FANCG: variants seen among roughly 807,000 people sequenced by gnomAD.
The protein encoded by FANCG is Fanconi anemia group G protein.
A neutral mutation model predicts 73.3 loss-of-function variants in FANCG; 67 were observed. That is an observed-to-expected ratio of 0.91 (90% CI 0.75 to 1.12). The LOEUF (loss-of-function observed/expected upper bound fraction) is 1.12. FANCG is among the 50% of genes most tolerant of loss of function. FANCG has a pLI of 0.00. For synonymous variants in FANCG, 297 were observed against 311.6 expected (o/e 0.95, Z 0.49); for missense variants, 643 against 735.6 (o/e 0.87, Z 1.46).
chr9:35,074,568 C>T, intron 12 of FANCG, 74 bp from the exon 13 acceptor site: 1 of 1,595,604 alleles, frequency 6.3e-7, no homozygotes, highest in Non-Finnish European at 8.6e-7. Flanking sequence ...AAAAGGGAAA[C>T]TGAGGCCTAG....
chr9:35,073,871 G>A lies in FANCG; in HGVS notation c.*237C>T, dbSNP rs1829025007. ...GAAATTTTACTCGACAACAGAAAAG[G>A]AGAAACAGGAAAAAAGGTGCCTCGA... On this transcript the variant is annotated 3_prime_UTR_variant, in exon 14 of 14. Transcript: ENST00000378643. The A allele has an allele frequency of 6.8e-6, 4 of 592,192 alleles. No individual in the cohort carries two copies. The highest frequency in any genetic ancestry group is 5.8e-5 in the Admixed American group (2 of 34,428). 36.7% of individuals were successfully genotyped at this position (592,192 alleles called of 1,614,324 possible).
In FANCG at chr9:35,075,060, C is replaced by G. The variant is rs1228754128; in HGVS notation, c.1503G>C (p.Gln501His). Residue 501 changes from glutamine to histidine, a missense_variant, in exon 12 of 14, where the codon CAG (glutamine) becomes CAC (histidine). Coordinates refer to ENST00000378643, the MANE Select transcript of FANCG (RefSeq NM_004629.2). ...KEQGAAFNCE[Q>H]GCKSDAALQQ... ...GCAGTGCCGCATCTGACTTACATCC[C>G]TGCTCACAGTTGAAAGCTGCCCCTG... The G allele has an allele frequency of 6.2e-7, 1 of 1,614,060 alleles. No homozygotes were observed. Among genetic ancestry groups the G allele is most frequent in the African/African-American group, 1.3e-5 (1 of 74,942 alleles).
At chr9:35,079,399 G>A (rs1012973034) in intron 1 of FANCG, 42 bp downstream of exon 1, 2 of 1,609,256 alleles carry the variant, frequency 1.2e-6, no homozygotes, top group African/African-American at 2.7e-5. Flanking sequence ...CGCTTTCAGG[G>A]ATCTTGAGGC....
chr9:35,079,077 C>T, intron 2 of FANCG, 74 bp downstream of exon 2: 1 of 1,319,534 alleles, frequency 7.6e-7, no homozygotes, highest in Non-Finnish European at 1.1e-6. Flanking sequence ...TATATCGATC[C>T]CAAAAACGCA....
chr9:35,077,138 T>C (rs758802509), intron 5 of FANCG, 37 bp from the exon 6 acceptor site: 58 of 1,613,988 alleles, frequency 3.6e-5, no homozygotes, highest in African/African-American at 1.2e-4. Flanking sequence ...GAGAGGGCTA[T>C]AGAGCAGGGG....
At position 35,079,673 on chromosome 9, in the gene FANCG, C is replaced by G; in HGVS notation, c.-149G>C. ...TTCTCTCGGGGTCCCAATCCACCCG[C>G]CCAGGCTTTCCAGGACAGATGGGAC... On this transcript the variant is annotated 5_prime_UTR_variant, in exon 1 of 14. Transcript: ENST00000378643. 1 of 765,368 alleles carries G rather than the reference C, an allele frequency of 1.3e-6. No homozygotes were observed. Among genetic ancestry groups the G allele is most frequent in the East Asian group, 2.6e-5 (1 of 37,740 alleles). 47.4% of individuals were successfully genotyped at this position (765,368 alleles called of 1,614,324 possible).
intron 8 of FANCG, 192 bp from the exon 9 acceptor site, chr9:35,076,220 G>C (rs1829080159): frequency 1.3e-6 from 1 of 792,502 alleles, no homozygotes; most frequent in African/African-American, 1.7e-5. Context: ...CTGGGGAAGA[G>C]ACTTCAGAGT....
chr9:35,077,739 C>G (rs924226848), intron 4 of FANCG, among the ~76,000 whole-genome samples: 18 of 149,848 alleles, frequency 1.2e-4, no homozygotes, highest in Non-Finnish European at 2.4e-4. Context: ...ATCACAAGAG[C>G]CCTATCCCTA....
chr9:35,074,824 CCTGT>C (rs1829052034), intron 12 of FANCG, 99 bp downstream of exon 12: 8 of 1,434,724 alleles, frequency 5.6e-6, no homozygotes, highest in Admixed American at 1.7e-5. Flanking sequence ...AATCACCCCT[CCTGT>C]CTGAGAACAC....
chr9:35,078,639 ATC>A lies in FANCG; in HGVS notation c.271_272del (p.Asp91SerfsTer63). On this transcript the variant is annotated frameshift_variant, in exon 3 of 14. Coordinates refer to ENST00000378643, the MANE Select transcript of FANCG (RefSeq NM_004629.2). LOFTEE classifies it high-confidence loss of function. ...RASLAQGFTE[D>X]QAQDIQRSLE... ...GGCTCCGCTGGATATCCTGGGCCTG[ATC>A]CTCTGTGAAACCCTGGGCCAAGCTT... 3 of 1,614,106 alleles carry A rather than the reference ATC, an allele frequency of 1.9e-6. No individual in the cohort carries two copies. The highest frequency in any genetic ancestry group is 2.5e-6 in the Non-Finnish European group (3 of 1,180,008).
chr9:35,076,406 G>T, intron 8 of FANCG, 26 bp downstream of exon 8: 1 of 1,613,034 alleles, frequency 6.2e-7, no homozygotes, highest in Non-Finnish European at 8.5e-7. Flanking sequence ...GGGAAGAGAA[G>T]CTCAGGTGAG....
In FANCG at chr9:35,078,205, A is replaced by G; in HGVS notation, c.446T>C (p.Leu149Pro). 5 of 1,614,194 alleles carry G rather than the reference A, an allele frequency of 3.1e-6. No individual in the cohort carries two copies. The highest frequency in any genetic ancestry group is 4.2e-6 in the Non-Finnish European group (5 of 1,180,032). Residue 149 changes from leucine to proline, a missense_variant, in exon 4 of 14, where the codon CTC becomes CCC. Leu to Pro is a moderately conservative substitution (Grantham distance 98, BLOSUM62 -3). Coordinates refer to ENST00000378643, the MANE Select transcript of FANCG (RefSeq NM_004629.2). ...CCCAAGACGGTCAGCACTCAACCAG[A>G]GGGCAGCCTGCAGGCCAACCAGGCG... ...LHRLVGLQAALWLSADRLGDL... is the reference protein window; with the variant it reads ...LHRLVGLQAAPWLSADRLGDL...
Position 35,073,909 on chromosome 9 carries a change from A to T in FANCG, c.*199T>A, listed in dbSNP as rs1470317753. The T allele has an allele frequency of 3.0e-6, 2 of 657,152 alleles. No individual in the cohort carries two copies. The highest frequency in any genetic ancestry group is 5.5e-6 in the Non-Finnish European group (2 of 362,530). The allele number at this position is 657,152 out of a possible 1,614,324, so 40.7% of individuals were successfully genotyped here. Reference sequence around the variant, plus strand: ...AAAGGTGCCTCGAGCAAAGTCAATGACTTGGTGGTGGCAGAGATTGTTTCC... The same window carrying T: ...AAAGGTGCCTCGAGCAAAGTCAATGTCTTGGTGGTGGCAGAGATTGTTTCC... On this transcript the variant is annotated 3_prime_UTR_variant, in exon 14 of 14. Transcript: ENST00000378643.
Position 35,079,509 on chromosome 9 carries a change from T to A in FANCG, c.16A>T (p.Thr6Ser). 6.2e-7 allele frequency: 1 copy of A among 1,613,898 alleles called. No individual in the cohort carries two copies. The highest frequency in any genetic ancestry group is 8.5e-7 in the Non-Finnish European group (1 of 1,180,006). MSRQT[T>S]SVGSSCLDLW... ...TCCAGGCAGCTGGAGCCCACAGAGG[T>A]GGTCTGGCGGGACATGGTGGCCGAG... is the stretch of plus-strand genomic sequence containing the variant. Residue 6 changes from threonine to serine, a missense_variant, in exon 1 of 14, where the codon ACC (threonine) becomes TCC (serine). Thr to Ser is a moderately conservative substitution (Grantham distance 58). Coordinates refer to ENST00000378643, the MANE Select transcript of FANCG (RefSeq NM_004629.2).
At chr9:35,078,062 G>T in intron 4 of FANCG, 79 bp downstream of exon 4, 1 of 1,379,198 alleles carries the variant, frequency 7.3e-7, no homozygotes, top group Non-Finnish European at 1.0e-6. Context: ...TCCAGTACAT[G>T]ATGATGCTAC....
At position 35,076,982 on chromosome 9, in the gene FANCG, G is replaced by A. The variant is rs753955326; in HGVS notation, c.766C>T (p.His256Tyr). 2.4e-5 allele frequency: 38 copies of A among 1,614,106 alleles called. No homozygotes were observed. In the Admixed American group the frequency reaches 6.2e-4, roughly 26 times the overall value. ...VQVYTALGSC[H>Y]RKMGNPQRAL... ...AGGACTGTCTTTACCATCTTACGGT[G>A]ACAGGACCCCAGTGCTGTGTACACC... Residue 256 changes from histidine (H) to tyrosine (Y), a missense_variant, in exon 6 of 14, where the codon CAC becomes TAC. Physicochemically the swap from His to Tyr is moderately conservative, Grantham distance 83 (BLOSUM62 2). Transcript: ENST00000378643.
intron 3 of FANCG, 69 bp from the exon 4 acceptor site, chr9:35,078,412 C>G (rs1829125698): frequency 6.4e-7 from 1 of 1,556,622 alleles, no homozygotes; most frequent in African/African-American, 1.4e-5. Context: ...CATCTCCCCA[C>G]ACACTCTGGC....
intron 3 of FANCG, 60 bp downstream of exon 3, chr9:35,078,545 C>T (rs752562700): frequency 2.0e-5 from 33 of 1,612,792 alleles, no homozygotes; most frequent in Non-Finnish European, 2.8e-5. Flanking sequence ...CATCTCCCTG[C>T]AATAACTTAA....
rs749694582 is a variant in FANCG at position 35,079,189 on chromosome 9, G to A, written c.137C>T (p.Ala46Val). Reference sequence around the variant, plus strand: ...GAGGAGCCCTCTGAGCCCTTCCAGTGCATCCTGAGCCAACTGCTGTCGCCT... The same window carrying A: ...GAGGAGCCCTCTGAGCCCTTCCAGTACATCCTGAGCCAACTGCTGTCGCCT... ...TLRRQQLAQD[A>V]LEGLRGLLHS... Residue 46 changes from alanine (A) to valine (V), a missense_variant, in exon 2 of 14, where the codon GCA (alanine) becomes GTA (valine). Transcript: ENST00000378643. 1.9e-5 allele frequency: 30 copies of A among 1,608,468 alleles called. No homozygotes were observed. The highest frequency in any genetic ancestry group is 5.9e-6 in the Non-Finnish European group (7 of 1,177,662).
Sources: gnomAD v4.1 joint callset for allele counts (sites outside exome capture counted in the v4.1 genomes callset) on GRCh38, gnomAD v4.1.1 for gene constraint, MANE v1.5 for transcripts, NCBI Gene and HGNC (gene_info 2026-07-23, HGNC 2026-07-21) for gene names.